BTBD9: variants seen among roughly 807,000 people sequenced by gnomAD.
The protein encoded by BTBD9 is BTB/POZ domain-containing protein 9.
Under a neutral mutation model 64.3 loss-of-function variants are expected in BTBD9, and 49 were observed. The observed-to-expected ratio is 0.76, with a 90% CI of 0.61 to 0.97. The LOEUF is 0.97. Among genes scored for constraint, BTBD9 ranks in the 50% least tolerant of loss-of-function variants. The probability of loss-of-function intolerance (pLI) is 0.00; values close to 1 mark genes in which losing one functional copy is unlikely to be tolerated. For missense variants in BTBD9, 598 were observed against 762.1 expected (o/e 0.78, Z 2.53); for synonymous variants, 260 against 274.7 (o/e 0.95, Z 0.53).
chr6:38,477,594 C>A (rs1162726633), intron 6 of BTBD9, among the ~76,000 whole-genome samples: 3 of 152,204 alleles, frequency 2.0e-5, no homozygotes, highest in Non-Finnish European at 4.4e-5. Context: ...ATTGCCAATT[C>A]TCACATTTTA....
chr6:38,298,960 C>T (rs1446639621), intron 7 of BTBD9, among the ~76,000 whole-genome samples: 1 of 151,834 alleles, frequency 6.6e-6, no homozygotes, highest in South Asian at 2.1e-4. Context: ...CACCCATTAA[C>T]TCGTCATTTA....
Position 38,174,763 on chromosome 6 carries a change from T to A in BTBD9, c.*222A>T. On this transcript the variant is annotated 3_prime_UTR_variant, in exon 11 of 11. Coordinates refer to ENST00000481247, the MANE Select transcript of BTBD9 (RefSeq NM_001099272.2). ...TGATGAAGATTGAAGACCCATTTTCTCCCCCTTGAGACCTGCCTGATTTGG... is the reference window on the plus strand; with the variant it reads ...TGATGAAGATTGAAGACCCATTTTCACCCCCTTGAGACCTGCCTGATTTGG... 1 of 560,566 alleles carries A rather than the reference T, an allele frequency of 1.8e-6. No individual in the cohort carries two copies. Among genetic ancestry groups the A allele is most frequent in the East Asian group, 2.9e-5 (1 of 33,976 alleles). The allele number at this position is 560,566 out of a possible 1,614,324, so 34.7% of individuals were successfully genotyped here.
chr6:38,239,233 A>G (rs1763904635), intron 9 of BTBD9, among the ~76,000 whole-genome samples: 1 of 152,086 alleles, frequency 6.6e-6, no homozygotes, highest in South Asian at 2.1e-4. Context: ...CGAGGTCAAG[A>G]GATCGAGACC....
At chr6:38,315,517 T>C (rs1303821253) in intron 7 of BTBD9, among the ~76,000 whole-genome samples, 1 of 152,180 alleles carries the variant, frequency 6.6e-6, no homozygotes, top group Admixed American at 6.5e-5. Flanking sequence ...GTTTCCATTA[T>C]CATTTGTTTC....
chr6:38,262,800 G>A (rs970483387), intron 8 of BTBD9, among the ~76,000 whole-genome samples: 11 of 152,204 alleles, frequency 7.2e-5, no homozygotes, highest in African/African-American at 2.4e-5. Flanking sequence ...GACAAACTAT[G>A]TTGTGCTGAA....
intron 6 of BTBD9, among the ~76,000 whole-genome samples, chr6:38,477,972 C>T (rs184118355): frequency 3.9e-5 from 6 of 152,280 alleles, no homozygotes; most frequent in East Asian, 1.9e-4. Context: ...TTTTTAAAAA[C>T]GGTGCAACCT....
intron 6 of BTBD9, among the ~76,000 whole-genome samples, chr6:38,375,950 GGAAAGAAA>G (rs1411416474): frequency 1.4e-4 from 10 of 72,552 alleles, no homozygotes; most frequent in African/African-American, 6.9e-4. Context: ...AAGGAAAGAA[GGAAAGAAA>G]GAAAGAAAAA....
chr6:38,170,245 C>CT lies in BTBD9; in HGVS notation c.*4739dup, dbSNP rs1279139098. The CT allele has an allele frequency of 2.6e-5, 4 of 152,574 alleles. No individual in the cohort carries two copies. Among genetic ancestry groups the CT allele is most frequent in the African/African-American group, 9.6e-5 (4 of 41,566 alleles). 9.5% of individuals were successfully genotyped at this position (152,574 alleles called of 1,614,324 possible). A position where few individuals can be genotyped will look rare whatever the true frequency, so the allele number is the denominator to read the frequency against. Reference sequence around the variant, plus strand: ...CGGGTGGGGCGGCTCTTCCATGCACCTGTCCCCTGCCTCTGCATGAGCCCA... The same window carrying CT: ...CGGGTGGGGCGGCTCTTCCATGCACCTTGTCCCCTGCCTCTGCATGAGCCCA... On this transcript the variant is annotated 3_prime_UTR_variant, in exon 11 of 11. Coordinates refer to ENST00000481247, the MANE Select transcript of BTBD9 (RefSeq NM_001099272.2).
intron 6 of BTBD9, among the ~76,000 whole-genome samples, chr6:38,499,555 T>C (rs115406899): frequency 1.8e-3 from 279 of 152,330 alleles, no homozygotes; most frequent in Middle Eastern, 0.01. Flanking sequence ...GCAATATATA[T>C]TCTCTATCAT....
chr6:38,358,682 T>TTTTG (rs1415717153), intron 6 of BTBD9, among the ~76,000 whole-genome samples: 2 of 152,176 alleles, frequency 1.3e-5, no homozygotes, highest in African/African-American at 4.8e-5. Flanking sequence ...ATCCTCTGTT[T>TTTTG]TTTGTTTGTT....
At chr6:38,508,494 G>C (rs1263849211) in intron 6 of BTBD9, among the ~76,000 whole-genome samples, 1 of 152,106 alleles carries the variant, frequency 6.6e-6, no homozygotes, top group Non-Finnish European at 1.5e-5. Flanking sequence ...TTCTTACCTA[G>C]ACTTTTGCAA....
intron 2 of BTBD9, among the ~76,000 whole-genome samples, chr6:38,596,735 A>G (rs1777046683): frequency 6.7e-6 from 1 of 149,854 alleles, no homozygotes; most frequent in Admixed American, 6.7e-5. Context: ...CGGGAGGCGG[A>G]GCTTGCAGTG....
chr6:38,541,362 G>A (rs970895025), intron 6 of BTBD9, among the ~76,000 whole-genome samples: 2 of 152,148 alleles, frequency 1.3e-5, no homozygotes, highest in African/African-American at 4.8e-5. Flanking sequence ...AGAAGGGAAG[G>A]GAATACGGGA....
intron 6 of BTBD9, among the ~76,000 whole-genome samples, chr6:38,510,284 T>G (rs541835127): frequency 6.6e-6 from 1 of 152,324 alleles, no homozygotes; most frequent in Admixed American, 6.5e-5. Context: ...AGCATGTAAC[T>G]GAACTGAAGA....
chr6:38,213,351 C>G (rs1187614139), intron 9 of BTBD9, among the ~76,000 whole-genome samples: 1 of 151,940 alleles, frequency 6.6e-6, no homozygotes, highest in African/African-American at 2.4e-5. Context: ...AAGTTGGGAG[C>G]ACTTGGGAGA....
At chr6:38,326,722 C>T (rs1014669984) in intron 7 of BTBD9, among the ~76,000 whole-genome samples, 2 of 148,254 alleles carry the variant, frequency 1.3e-5, no homozygotes, top group African/African-American at 5.0e-5. Context: ...TTATAACAGG[C>T]ATCTACTGAA....
chr6:38,205,888 A>AAAAAG (rs1329275394), intron 9 of BTBD9, among the ~76,000 whole-genome samples: 1 of 144,500 alleles, frequency 6.9e-6, no homozygotes, highest in African/African-American at 2.6e-5. Flanking sequence ...TCAAAAAAAA[A>AAAAAG]AAAGAAAGAA....
intron 6 of BTBD9, among the ~76,000 whole-genome samples, chr6:38,379,252 C>CA (rs1562102150): frequency 6.6e-6 from 1 of 151,918 alleles, no homozygotes; most frequent in African/African-American, 2.4e-5. Context: ...GGCTGACTTT[C>CA]AAAAAAGAAA....
chr6:38,587,369 A>G (rs1428838165), intron 4 of BTBD9: 2 of 474,760 alleles, frequency 4.2e-6, no homozygotes, highest in Non-Finnish European at 8.4e-6. Context: ...ATGAAAGCTC[A>G]ACTTGGGGAG....
Sources: allele counts gnomAD v4.1 joint callset (sites outside exome capture counted in the v4.1 genomes callset), GRCh38; gene constraint gnomAD v4.1.1; transcripts MANE v1.5; gene names NCBI Gene and HGNC (gene_info 2026-07-23, HGNC 2026-07-21).